FBN2: variants seen among roughly 807,000 people sequenced by gnomAD.
FBN2 encodes fibrillin 2.
FBN2 carries 105 observed loss-of-function variants against 355.6 expected under a neutral mutation model. The observed-to-expected ratio is 0.30, with a 90% confidence interval of 0.25 to 0.35. The LOEUF (loss-of-function observed/expected upper bound fraction) is 0.35. FBN2 is among the 10% of genes least tolerant of loss of function. The pLI, the probability that FBN2 is intolerant of heterozygous loss-of-function variation, is 1.00. For synonymous variants in FBN2, 1,350 were observed against 1,301.2 expected (o/e 1.04, Z -0.81); for missense variants, 3,280 against 3,758.7 (o/e 0.87, Z 3.33).
chr5:128,528,746 A>C (rs909165718), intron 3 of FBN2, among the ~76,000 whole-genome samples: 3 of 152,200 alleles, frequency 2.0e-5, no homozygotes, highest in African/African-American at 7.2e-5. Flanking sequence ...CAAATGCAAC[A>C]GGGAGTCATT....
chr5:128,356,560 G>T (rs112806890), intron 20 of FBN2, among the ~76,000 whole-genome samples: 7 of 152,220 alleles, frequency 4.6e-5, no homozygotes, highest in African/African-American at 7.2e-5. Context: ...TAGGCCTAGT[G>T]AATGGAACCA....
At chr5:128,275,592 T>C (rs1765373749) in intron 59 of FBN2, among the ~76,000 whole-genome samples, 1 of 152,134 alleles carries the variant, frequency 6.6e-6, no homozygotes, top group Non-Finnish European at 1.5e-5. Flanking sequence ...ACTATTTTAA[T>C]GATCTAATTT....
At chr5:128,327,358 G>A (rs182368504) in intron 34 of FBN2, among the ~76,000 whole-genome samples, 1 of 152,178 alleles carries the variant, frequency 6.6e-6, no homozygotes, top group Admixed American at 6.5e-5. Context: ...TGCCACTTCT[G>A]ATGGTGGAGC....
intron 28 of FBN2, 66 bp from the exon 29 acceptor site, chr5:128,335,643 A>G: frequency 2.5e-6 from 4 of 1,587,280 alleles, no homozygotes; most frequent in Middle Eastern, 1.7e-4. Context: ...TCTTCTTTTT[A>G]AACAGATAAT....
At chr5:128,504,663 T>C (rs115494457) in intron 5 of FBN2, among the ~76,000 whole-genome samples, 2,286 of 152,312 alleles carry the variant, frequency 0.015, 29 homozygotes, top group Non-Finnish European at 0.027. Context: ...GCACAACCAT[T>C]GTATCTAGGA....
At chr5:128,303,202 T>A in intron 45 of FBN2, 113 bp from the exon 46 acceptor site, 1 of 709,972 alleles carries the variant, frequency 1.4e-6, no homozygotes, top group South Asian at 1.5e-5. Context: ...CATTCAGTAC[T>A]AGAAACTCAT....
chr5:128,358,727 T>C (rs1033591584), intron 19 of FBN2, among the ~76,000 whole-genome samples: 3 of 151,944 alleles, frequency 2.0e-5, no homozygotes, highest in South Asian at 2.1e-4. Context: ...AAAAAGAAAC[T>C]AGCTAACCAT....
At chr5:128,459,964 G>T (rs1246627735) in intron 6 of FBN2, among the ~76,000 whole-genome samples, 1 of 152,046 alleles carries the variant, frequency 6.6e-6, no homozygotes, top group Non-Finnish European at 1.5e-5. Context: ...TTCTGACCAG[G>T]GCAATCAGGC....
chr5:128,290,523 AAAGGGT>A (rs1749291145), intron 50 of FBN2, among the ~76,000 whole-genome samples: 1 of 152,220 alleles, frequency 6.6e-6, no homozygotes, highest in African/African-American at 2.4e-5. Flanking sequence ...GAATGAAATA[AAAGGGT>A]AACTCCACCT....
intron 32 of FBN2, among the ~76,000 whole-genome samples, chr5:128,331,811 G>A (rs1750700485): frequency 6.6e-6 from 1 of 152,216 alleles, no homozygotes; most frequent in Non-Finnish European, 1.5e-5. Flanking sequence ...ACAGCTGAAT[G>A]TCTTGTATCA....
intron 8 of FBN2, among the ~76,000 whole-genome samples, chr5:128,401,364 A>G (rs994495826): frequency 1.3e-5 from 2 of 152,190 alleles, no homozygotes; most frequent in Admixed American, 1.3e-4. Context: ...ATCCAAATTC[A>G]TTTATCATTA....
rs886059901 is a variant in FBN2, at chr5:128,338,976, G to A, written c.3429C>T (p.Phe1143=). The A allele has an allele frequency of 4.3e-6, 7 of 1,613,928 alleles. No individual in the cohort carries two copies. Among genetic ancestry groups the A allele is most frequent in the African/African-American group, 1.3e-5 (1 of 74,924 alleles). The part of the protein sequence containing the change: ...NTPGSFECEC[F]EGYESGFMMM... ...TCATGAAGCCACTTTCATAGCCTTC[G>A]AAGCACTCGCACTCAAAGCTGCCCG... The change falls in exon 26 of 65, where the codon TTC becomes TTT. Residue 1143 remains phenylalanine (F), a synonymous_variant. Coordinates refer to ENST00000262464, the MANE Select transcript of FBN2 (RefSeq NM_001999.4).
chr5:128,390,286 AGG>A (rs1752478620), intron 11 of FBN2, among the ~76,000 whole-genome samples: 1 of 152,192 alleles, frequency 6.6e-6, no homozygotes, highest in African/African-American at 2.4e-5. Flanking sequence ...GCTGTTCTCA[AGG>A]TGTGGCCTCT....
chr5:128,536,497 A>C lies in FBN2; in HGVS notation c.255-13T>G, dbSNP rs1200130646. 2 of 1,609,790 alleles carry C rather than the reference A, an allele frequency of 1.2e-6. No homozygotes were observed. Among genetic ancestry groups the C allele is most frequent in the Non-Finnish European group, 1.7e-6 (2 of 1,176,800 alleles). ...GCACACGTTGGGCCTGTGATGGACA[A>C]GCGCGGTCACGTAACAGATAGGTAG... On this transcript the variant is annotated splice_polypyrimidine_tract_variant and intron_variant, in intron 1 of 64. Transcript: ENST00000262464.
At chr5:128,443,288 C>G (rs1753971045) in intron 7 of FBN2, among the ~76,000 whole-genome samples, 1 of 152,158 alleles carries the variant, frequency 6.6e-6, no homozygotes, top group Non-Finnish European at 1.5e-5. Context: ...GCAAAAATTC[C>G]TTTGAGGAAG....
At chr5:128,312,004 G>T in intron 37 of FBN2, 51 bp from the exon 38 acceptor site, 1 of 1,266,448 alleles carries the variant, frequency 7.9e-7, no homozygotes, top group Non-Finnish European at 1.1e-6. Context: ...CCAAGTGGCT[G>T]AGACAATGAG....
rs535601627 is a variant in FBN2 at position 128,302,730 on chromosome 5, C to CT, written c.5917+242dup. Among the ~76,000 whole-genome samples, 86 of 152,142 alleles carry CT rather than the reference C, an allele frequency of 5.7e-4. 1 individual carries two copies. Among genetic ancestry groups the CT allele is most frequent in the African/African-American group, 2.0e-3 (85 of 41,516 alleles). On this transcript the variant is annotated intron_variant, in intron 46 of 64. Transcript: ENST00000262464. ...ATATGTTTACTGTGATCTGAATGACCTTTTTTTCCTGAAATGATTGGCTGA... is the reference window on the plus strand; with the variant it reads ...ATATGTTTACTGTGATCTGAATGACCTTTTTTTTCCTGAAATGATTGGCTGA...
At chr5:128,527,791 G>T in intron 4 of FBN2, 81 bp downstream of exon 4, 1 of 1,022,680 alleles carries the variant, frequency 9.8e-7, no homozygotes, top group Non-Finnish European at 1.5e-6. Context: ...AAAGATCACA[G>T]GATTTATGAG....
rs1476377888 is a variant in FBN2, at chr5:128,309,970, G to A, written c.5200+13C>T. On this transcript the variant is annotated intron_variant, in intron 40 of 64. Transcript: ENST00000262464. ...CAACTGTGCTCTAATTAATCTCAGA[G>A]TTCTTTACCTACCCATGCAGTTGTG... 6.2e-7 allele frequency: 1 copy of A among 1,613,234 alleles called. No individual in the cohort carries two copies. The highest frequency in any genetic ancestry group is 8.5e-7 in the Non-Finnish European group (1 of 1,179,440).
Sources: allele counts gnomAD v4.1 joint callset (sites outside exome capture counted in the v4.1 genomes callset), GRCh38; gene constraint gnomAD v4.1.1; transcripts MANE v1.5; gene names NCBI Gene and HGNC (gene_info 2026-07-23, HGNC 2026-07-21).